Variants in ADAMTSL1 observed in about 807,000 individuals in gnomAD.
The protein encoded by ADAMTSL1 is ADAMTS-like protein 1.
ADAMTSL1 carries 126 observed loss-of-function variants against 201.8 expected under a neutral mutation model. The ratio of observed to expected loss-of-function variants is 0.62; its 90% CI spans 0.54 to 0.72. The LOEUF is 0.72. Ranked by LOEUF, ADAMTSL1 falls within the 30% of genes least tolerant of loss-of-function variation. The pLI is 0.00. For synonymous variants in ADAMTSL1, 1,121 were observed against 903.4 expected, an observed-to-expected ratio of 1.24 and a Z score of -4.32; for missense variants, 2,679 against 2,277.8, an observed-to-expected ratio of 1.18 and a Z score of -3.59.
In ADAMTSL1 at chr9:17,961,047, T is replaced by A. The variant is rs1817729958; in HGVS notation, c.87+54125T>A. 2.0e-5 allele frequency among the ~76,000 whole-genome samples: 3 copies of A among 152,308 alleles called. No individual in the cohort carries two copies. In the South Asian group the frequency reaches 6.2e-4, roughly 32 times the overall value. ...CCATACGTCACTTAATTTTCCTGTGTGCCATTTATCTACCTTGGAAATTTA... is the reference window on the plus strand; with the variant it reads ...CCATACGTCACTTAATTTTCCTGTGAGCCATTTATCTACCTTGGAAATTTA... On this transcript the variant is annotated intron_variant, in intron 1 of 29. Transcript: ENST00000680146.
At chr9:18,091,068 CATGTGT>C (rs1414005064) in intron 1 of ADAMTSL1, among the ~76,000 whole-genome samples, 1,583 of 147,608 alleles carry the variant, frequency 0.011, 21 homozygotes, top group Non-Finnish European at 0.013. Flanking sequence ...TGTGTATATG[CATGTGT>C]GTGTGTGTGT....
chr9:18,256,133 T>C (rs140478998), intron 2 of ADAMTSL1, among the ~76,000 whole-genome samples: 1 of 152,350 alleles, frequency 6.6e-6, no homozygotes, highest in African/African-American at 2.4e-5. Context: ...CTGAGCATAG[T>C]CTACAAGTCT....
At chr9:18,135,574 C>G (rs971956766) in intron 1 of ADAMTSL1, among the ~76,000 whole-genome samples, 2 of 152,028 alleles carry the variant, frequency 1.3e-5, no homozygotes, top group Non-Finnish European at 2.9e-5. Context: ...GATGGGAGAA[C>G]TGCTGAGCCC....
intron 15 of ADAMTSL1, among the ~76,000 whole-genome samples, chr9:18,748,115 G>T (rs916820105): frequency 6.6e-6 from 1 of 152,162 alleles, no homozygotes; most frequent in Admixed American, 6.5e-5. Context: ...CTGCAATCAG[G>T]TTTTGACAAA....
At chr9:18,906,629 C>G in intron 27 of ADAMTSL1, 63 bp from the exon 28 acceptor site, 2 of 1,345,238 alleles carry the variant, frequency 1.5e-6, no homozygotes, top group Non-Finnish European at 2.0e-6. Flanking sequence ...GCACTATTTT[C>G]ACATCTGCCC....
chr9:18,070,796 A>G lies in ADAMTSL1; in HGVS notation c.88-93066A>G, dbSNP rs182085956. On this transcript the variant is annotated intron_variant, in intron 1 of 29. Transcript: ENST00000680146. ...AGGAGGATGGGATGGTGTGGAGATG[A>G]TGCAGGATGGGCTGCTGAACAGCAT... is the stretch of plus-strand genomic sequence containing the variant. Among the ~76,000 whole-genome samples the G allele has an allele frequency of 1.4e-4, 21 of 152,254 alleles. 1 individual carries two copies. Among genetic ancestry groups the G allele is most frequent in the Admixed American group, 1.3e-3 (20 of 15,286 alleles).
chr9:18,892,353 C>CT, intron 25 of ADAMTSL1, 36 bp from the exon 26 acceptor site: 1 of 1,591,058 alleles, frequency 6.3e-7, no homozygotes. Context: ...GGGCCTGTCC[C>CT]TTTAGGGCTC....
Position 18,528,133 on chromosome 9 carries a change from C to T in ADAMTSL1, c.192-5114C>T, listed in dbSNP as rs546346829. Among the ~76,000 whole-genome samples the T allele has an allele frequency of 2.6e-5, 4 of 152,284 alleles. No homozygotes were observed. In the East Asian group the frequency reaches 5.8e-4, roughly 22 times the overall value. ...CCTCACATGATCCACCTGTCTTGGC[C>T]GCCCAAAGTGCTGGGATTACAGGCA... is the stretch of plus-strand genomic sequence containing the variant. On this transcript the variant is annotated intron_variant, in intron 2 of 28. Transcript: ENST00000380548.
At chr9:18,238,231 C>T (rs764075606) in intron 2 of ADAMTSL1, among the ~76,000 whole-genome samples, 1 of 152,088 alleles carries the variant, frequency 6.6e-6, no homozygotes, top group Non-Finnish European at 1.5e-5. Flanking sequence ...GGTTAAGATT[C>T]TCCTATATAG....
At chr9:18,369,640 GGAAAA>G (rs1836951733) in intron 2 of ADAMTSL1, among the ~76,000 whole-genome samples, 1 of 151,924 alleles carries the variant, frequency 6.6e-6, no homozygotes, top group Non-Finnish European at 1.5e-5. Context: ...TCTACTCAAA[GGAAAA>G]GAAATTATTG....
chr9:18,349,649 C>T (rs1242592052), intron 2 of ADAMTSL1, among the ~76,000 whole-genome samples: 3 of 152,128 alleles, frequency 2.0e-5, no homozygotes, highest in African/African-American at 7.2e-5. Context: ...CCTGAATCCT[C>T]TACCAGCTTT....
chr9:18,526,643 A>C (rs954002329), intron 2 of ADAMTSL1, among the ~76,000 whole-genome samples: 5 of 152,170 alleles, frequency 3.3e-5, no homozygotes, highest in African/African-American at 1.2e-4. Context: ...TGTGGTAACA[A>C]AATCTCTCAG....
At chr9:18,521,178 A>G (rs1818669580) in intron 2 of ADAMTSL1, among the ~76,000 whole-genome samples, 1 of 152,218 alleles carries the variant, frequency 6.6e-6, no homozygotes, top group Non-Finnish European at 1.5e-5. Flanking sequence ...AGGTGTTACC[A>G]GGTTAAACAT....
chr9:18,232,841 G>A (rs1198388919), intron 2 of ADAMTSL1, among the ~76,000 whole-genome samples: 1 of 152,116 alleles, frequency 6.6e-6, no homozygotes, highest in Non-Finnish European at 1.5e-5. Flanking sequence ...AGGCACTCTG[G>A]TTATGAACAA....
intron 1 of ADAMTSL1, among the ~76,000 whole-genome samples, chr9:18,047,835 GT>G (rs1821739622): frequency 6.6e-6 from 1 of 152,190 alleles, no homozygotes; most frequent in African/African-American, 2.4e-5. Context: ...AAAAAGATGA[GT>G]TCAGTTTTAG....
intron 2 of ADAMTSL1, among the ~76,000 whole-genome samples, chr9:18,261,056 T>A (rs1292557427): frequency 8.2e-6 from 1 of 121,476 alleles, no homozygotes; most frequent in South Asian, 3.4e-4. Flanking sequence ...AGAATGTGTT[T>A]CCTATTAAAT....
chr9:18,665,820 T>C (rs1015177413), intron 9 of ADAMTSL1, among the ~76,000 whole-genome samples: 18 of 152,168 alleles, frequency 1.2e-4, no homozygotes, highest in Admixed American at 3.3e-4. Context: ...CAAAATACTT[T>C]TTATGTTTTC....
chr9:18,296,502 C>G (rs755430590), intron 2 of ADAMTSL1, among the ~76,000 whole-genome samples: 2 of 151,796 alleles, frequency 1.3e-5, no homozygotes, highest in Non-Finnish European at 2.9e-5. Flanking sequence ...CAAAAGTAAA[C>G]AATATTATAT....
intron 1 of ADAMTSL1, among the ~76,000 whole-genome samples, chr9:18,036,713 T>G (rs1821214648): frequency 6.6e-6 from 1 of 152,172 alleles, no homozygotes; most frequent in East Asian, 1.9e-4. Context: ...AGACCTACAT[T>G]GATATGGGTT....
Sources: gnomAD v4.1 joint callset for allele counts (sites outside exome capture counted in the v4.1 genomes callset) on GRCh38, gnomAD v4.1.1 for gene constraint, MANE v1.5 for transcripts, NCBI Gene and HGNC (gene_info 2026-07-23, HGNC 2026-07-21) for gene names.